The following SNX29 variants were observed in gnomAD, a reference collection of about 807,000 sequenced individuals.
The protein encoded by SNX29 is sorting nexin-29.
Under a neutral mutation model 102.1 loss-of-function variants are expected in SNX29, and 78 were observed. The ratio of observed to expected loss-of-function variants is 0.76; its 90% CI spans 0.64 to 0.92. The LOEUF (loss-of-function observed/expected upper bound fraction) is 0.92. Among genes scored for constraint, SNX29 ranks in the 40% least tolerant of loss-of-function variants. SNX29 has a pLI of 0.00. For synonymous variants in SNX29, 580 were observed against 414.5 expected (o/e 1.40, Z -4.85); for missense variants, 1,280 against 1,061.7 (o/e 1.21, Z -2.86).
chr16:12,144,414 A>G (rs1419420743), intron 13 of SNX29, among the ~76,000 whole-genome samples: 1 of 152,200 alleles, frequency 6.6e-6, no homozygotes, highest in South Asian at 2.1e-4. Flanking sequence ...TCATGTTGAA[A>G]CTTAATTACC....
chr16:12,556,265 GC>G (rs1454326964), intron 20 of SNX29: 2 of 152,294 alleles, frequency 1.3e-5, no homozygotes, highest in African/African-American at 4.8e-5. Context: ...ACTAAAGCTG[GC>G]AAGAAATCCG....
chr16:12,486,396 G>A (rs2088234164), intron 19 of SNX29, among the ~76,000 whole-genome samples: 1 of 152,186 alleles, frequency 6.6e-6, no homozygotes. Context: ...GGGAGAGGGT[G>A]GGCCTCATCC....
At chr16:12,536,047 C>T (rs1478545520) in intron 20 of SNX29, among the ~76,000 whole-genome samples, 1 of 152,108 alleles carries the variant, frequency 6.6e-6, no homozygotes, top group African/African-American at 2.4e-5. Context: ...TGCCCATGAG[C>T]TGAGCCCTTT....
At chr16:12,336,513 A>G (rs76319931) in intron 15 of SNX29, among the ~76,000 whole-genome samples, 3,725 of 152,312 alleles carry the variant, frequency 0.024, 82 homozygotes, top group East Asian at 0.13. Context: ...GAGAAAAGAT[A>G]TTGGAATACT....
intron 14 of SNX29, among the ~76,000 whole-genome samples, chr16:12,200,269 A>G (rs1391077457): frequency 6.6e-6 from 1 of 152,222 alleles, no homozygotes; most frequent in East Asian, 1.9e-4. Flanking sequence ...AGCAGATAGA[A>G]GAACAGTCAT....
intron 18 of SNX29, among the ~76,000 whole-genome samples, chr16:12,453,865 C>T (rs1411103161): frequency 6.6e-6 from 1 of 151,972 alleles, no homozygotes; most frequent in Non-Finnish European, 1.5e-5. Flanking sequence ...TTTTTTTTGT[C>T]CCCTGGCCTT....
In SNX29 at chr16:12,269,218, G is replaced by C. The variant is rs141651406; in HGVS notation, c.1679-8715G>C. Among the ~76,000 whole-genome samples the C allele has an allele frequency of 3.1e-3, 472 of 152,328 alleles. 1 individual carries two copies. Among genetic ancestry groups the C allele is most frequent in the Non-Finnish European group, 4.7e-3 (318 of 68,032 alleles). On this transcript the variant is annotated intron_variant, in intron 14 of 20. Coordinates refer to ENST00000566228, the MANE Select transcript of SNX29 (RefSeq NM_032167.5). Reference sequence around the variant, plus strand: ...CAGGGAGACACAGGAGAAAGTTGCTGACTATTCAGAGTATAGGCAGGTAAG... The same window carrying C: ...CAGGGAGACACAGGAGAAAGTTGCTCACTATTCAGAGTATAGGCAGGTAAG...
At chr16:12,405,417 T>G (rs1208427611) in intron 18 of SNX29, among the ~76,000 whole-genome samples, 1 of 152,110 alleles carries the variant, frequency 6.6e-6, no homozygotes, top group Non-Finnish European at 1.5e-5. Flanking sequence ...GGTGTGAAGC[T>G]CTCATGGGTT....
intron 13 of SNX29, among the ~76,000 whole-genome samples, chr16:12,186,177 TA>T (rs2076504997): frequency 6.6e-6 from 1 of 152,134 alleles, no homozygotes; most frequent in Admixed American, 6.6e-5. Flanking sequence ...ACTGTAAATC[TA>T]TATATATATT....
intron 16 of SNX29, among the ~76,000 whole-genome samples, chr16:12,356,818 G>T (rs1406337843): frequency 6.6e-6 from 1 of 152,214 alleles, no homozygotes. Context: ...GTCTAGCAGC[G>T]TCCCTGGGTT....
chr16:12,491,982 A>C (rs1056734281), intron 19 of SNX29, among the ~76,000 whole-genome samples: 1 of 152,222 alleles, frequency 6.6e-6, no homozygotes, highest in Non-Finnish European at 1.5e-5. Context: ...TAGTGCCGCA[A>C]TAAACATACG....
chr16:12,315,145 G>A (rs1228578148), intron 15 of SNX29, among the ~76,000 whole-genome samples: 2 of 152,188 alleles, frequency 1.3e-5, no homozygotes, highest in Non-Finnish European at 2.9e-5. Flanking sequence ...TCAGGGGAAT[G>A]ATAGAACCCC....
intron 13 of SNX29, among the ~76,000 whole-genome samples, chr16:12,193,933 C>T (rs1211721274): frequency 1.3e-5 from 2 of 152,122 alleles, no homozygotes; most frequent in African/African-American, 4.8e-5. Flanking sequence ...AGTCTTCCTG[C>T]TTTGTGCTGC....
At chr16:12,285,946 C>G (rs903414556) in intron 15 of SNX29, among the ~76,000 whole-genome samples, 7 of 152,090 alleles carry the variant, frequency 4.6e-5, no homozygotes, top group African/African-American at 1.4e-4. Flanking sequence ...ACCTCCGCCT[C>G]CTGGGTTCAA....
At chr16:12,257,573 T>C (rs1469499233) in intron 14 of SNX29, among the ~76,000 whole-genome samples, 1 of 152,084 alleles carries the variant, frequency 6.6e-6, no homozygotes, top group Non-Finnish European at 1.5e-5. Context: ...CAATGGCACA[T>C]CTATAGCTCA....
chr16:12,077,225 G>C (rs1205376324), intron 10 of SNX29, among the ~76,000 whole-genome samples: 2 of 151,968 alleles, frequency 1.3e-5, no homozygotes, highest in Non-Finnish European at 2.9e-5. Context: ...CCTTCAGCGA[G>C]CTGAGATTGC....
chr16:12,401,359 AT>A (rs35886680), intron 17 of SNX29, among the ~76,000 whole-genome samples: 1,171 of 101,482 alleles, frequency 0.012, 4 homozygotes, highest in East Asian at 0.053. Flanking sequence ...ATAGAGTTAA[AT>A]TTTTTTTTTT....
intron 14 of SNX29, among the ~76,000 whole-genome samples, chr16:12,201,759 C>T (rs542108720): frequency 6.6e-6 from 1 of 152,312 alleles, no homozygotes; most frequent in East Asian, 1.9e-4. Context: ...GTGAAATCTA[C>T]AAGTTACTTA....
rs1363150920 is a variant in SNX29, at chr16:12,048,557, A to G, written c.685A>G (p.Ile229Val). The G allele has an allele frequency of 7.4e-6, 12 of 1,613,932 alleles. No individual in the cohort carries two copies. Among genetic ancestry groups the G allele is most frequent in the East Asian group, 2.2e-5 (1 of 44,880 alleles). Residue 229 changes from isoleucine to valine, a missense_variant, in exon 7 of 21, where the codon ATC (isoleucine) becomes GTC (valine). By Grantham distance (29) the Ile-to-Val change is conservative (BLOSUM62 3). Coordinates refer to ENST00000566228, the MANE Select transcript of SNX29 (RefSeq NM_032167.5). Reference sequence around the variant, plus strand: ...GATCACAGCCTCCTCTGCCGTCTCCATCCTCATCAAACCTGAACAGGAGAC... The same window carrying G: ...GATCACAGCCTCCTCTGCCGTCTCCGTCCTCATCAAACCTGAACAGGAGAC... ...REITASSAVS[I>V]LIKPEQETDP...
Sources: allele counts gnomAD v4.1 joint callset (sites outside exome capture counted in the v4.1 genomes callset), GRCh38; gene constraint gnomAD v4.1.1; transcripts MANE v1.5; gene names NCBI Gene and HGNC (gene_info 2026-07-23, HGNC 2026-07-21).